ANKS1A: variants seen among roughly 807,000 people sequenced by gnomAD.
ANKS1A encodes ankyrin repeat and sterile alpha motif domain containing 1A.
A neutral mutation model predicts 120.3 loss-of-function variants in ANKS1A; 55 were observed. That is an observed-to-expected ratio of 0.46 (90% confidence interval 0.37 to 0.57). The LOEUF (loss-of-function observed/expected upper bound fraction) is 0.57, where lower values mean the gene tolerates loss of function less well. ANKS1A is among the 20% of genes least tolerant of loss of function. ANKS1A has a pLI of 0.00. For missense variants in ANKS1A, 1,123 were observed against 1,480.3 expected, an observed-to-expected ratio of 0.76 and a Z score of 3.96; for synonymous variants, 590 against 604.7, an observed-to-expected ratio of 0.98 and a Z score of 0.36.
Position 34,982,878 on chromosome 6 carries a change from G to A in ANKS1A, c.808+51G>A. Reference sequence around the variant, plus strand: ...TACACAGCGTGCCAGGGTTGGGATTGTTTCTCCCTAGTCCCCTAGGGGGAT... The same window carrying A: ...TACACAGCGTGCCAGGGTTGGGATTATTTCTCCCTAGTCCCCTAGGGGGAT... On this transcript the variant is annotated intron_variant, in intron 5 of 23. Transcript: ENST00000360359. This position sits in a 1 kb window ranked among gnomAD's most constrained non-coding sequence, Gnocchi z 4.9. The A allele has an allele frequency of 2.5e-6, 4 of 1,611,178 alleles. No homozygotes were observed. The highest frequency in any genetic ancestry group is 3.4e-6 in the Non-Finnish European group (4 of 1,177,486).
At chr6:35,012,031 C>A (rs1324058604) in intron 10 of ANKS1A, among the ~76,000 whole-genome samples, 1 of 152,158 alleles carries the variant, frequency 6.6e-6, no homozygotes, top group Non-Finnish European at 1.5e-5. Context: ...GTACTTTTAA[C>A]CATGAGGCTA....
At chr6:35,056,383 G>T (rs886173473) in intron 12 of ANKS1A, among the ~76,000 whole-genome samples, 2 of 152,194 alleles carry the variant, frequency 1.3e-5, no homozygotes, top group Non-Finnish European at 2.9e-5. Context: ...CCGCCTCCCG[G>T]GTTCACACCA....
chr6:34,977,846 A>T (rs9469928), intron 3 of ANKS1A, among the ~76,000 whole-genome samples: 3,982 of 152,262 alleles, frequency 0.026, 181 homozygotes, highest in African/African-American at 0.09. Context: ...AGGTGTCCCT[A>T]ACTTCAGTAT....
At position 35,082,225 on chromosome 6, in the gene ANKS1A, T is replaced by G. The variant is rs188861428; in HGVS notation, c.2710-466T>G. On this transcript the variant is annotated intron_variant, in intron 17 of 23. Coordinates refer to ENST00000360359, the MANE Select transcript of ANKS1A (RefSeq NM_015245.3). This position sits in a 1 kb window ranked among gnomAD's most constrained non-coding sequence, Gnocchi z 4.1. ...TGCTGCCAGAAGGATCCATTTGGAA[T>G]GCATTCCTAGGCACGGGCGGGTGCT... is the stretch of plus-strand genomic sequence containing the variant. 1.6e-3 allele frequency among the ~76,000 whole-genome samples: 244 copies of G among 152,066 alleles called. No individual in the cohort carries two copies. Among genetic ancestry groups the G allele is most frequent in the African/African-American group, 5.7e-3 (235 of 41,496 alleles).
At chr6:34,906,729 C>T (rs1180161044) in intron 1 of ANKS1A, among the ~76,000 whole-genome samples, 1 of 152,222 alleles carries the variant, frequency 6.6e-6, no homozygotes, top group South Asian at 2.1e-4. Context: ...ATTTATATGG[C>T]TTCAAAGTAT....
At chr6:34,903,708 G>A (rs1767489338) in intron 1 of ANKS1A, among the ~76,000 whole-genome samples, 1 of 152,106 alleles carries the variant, frequency 6.6e-6, no homozygotes, top group African/African-American at 2.4e-5. Flanking sequence ...GTAGAGACGG[G>A]GTTTCACCAT....
rs1310876068 is a variant in ANKS1A, at chr6:35,024,238, G to GCA, written c.2010+6190_2010+6191dup. ...TCTTGCACAGTGTGATGTACCCACA[G>GCA]CACACACACACAGCACCAATTAACA... On this transcript the variant is annotated intron_variant, in intron 11 of 23. Transcript: ENST00000360359. Among the ~76,000 whole-genome samples, 3 of 152,028 alleles carry GCA rather than the reference G, an allele frequency of 2.0e-5. No homozygotes were observed. The East Asian group carries it at 5.8e-4, about 29-fold the overall frequency.
At chr6:34,951,505 T>G (rs1187241081) in intron 1 of ANKS1A, among the ~76,000 whole-genome samples, 1 of 152,172 alleles carries the variant, frequency 6.6e-6, no homozygotes, top group Non-Finnish European at 1.5e-5. Flanking sequence ...TCTTTGACAT[T>G]CAGCTTACAT....
chr6:34,914,891 G>A (rs1385209571), intron 1 of ANKS1A, among the ~76,000 whole-genome samples: 1 of 152,172 alleles, frequency 6.6e-6, no homozygotes, highest in Non-Finnish European at 1.5e-5. Context: ...GGTCTTATAA[G>A]AGCTTCTGGG....
chr6:35,083,905 A>G (rs529869765), intron 20 of ANKS1A, among the ~76,000 whole-genome samples: 2 of 152,192 alleles, frequency 1.3e-5, no homozygotes, highest in African/African-American at 4.8e-5. Flanking sequence ...GGGTGTGAAC[A>G]TTTTACTGCC....
rs1278512813 is a variant in ANKS1A, at chr6:34,889,477, G to A, written c.75G>A (p.Gly25=). 4 of 1,287,450 alleles carry A rather than the reference G, an allele frequency of 3.1e-6. No individual in the cohort carries two copies. Among genetic ancestry groups the A allele is most frequent in the South Asian group, 6.1e-5 (2 of 32,780 alleles). 79.8% of individuals were successfully genotyped at this position (1,287,450 alleles called of 1,614,324 possible). A position where few individuals can be genotyped will look rare whatever the true frequency, so the allele number is the denominator to read the frequency against. ...CGGCGGTGGAGAAGCTGCTGTCCGGGAAGCGGCTCTCCTCAGGCTTTGGGG... is the reference window on the plus strand; with the variant it reads ...CGGCGGTGGAGAAGCTGCTGTCCGGAAAGCGGCTCTCCTCAGGCTTTGGGG... The part of the protein sequence containing the change: ...HLPAVEKLLS[G]KRLSSGFGGG... The change falls in exon 1 of 24, where the codon GGG becomes GGA. Residue 25 remains glycine (G), a synonymous_variant. Transcript: ENST00000360359. The surrounding 1 kb of genome is among the most constrained non-coding windows in gnomAD (Gnocchi z 5.5).
intron 11 of ANKS1A, among the ~76,000 whole-genome samples, chr6:35,030,710 A>T (rs747210095): frequency 6.6e-6 from 1 of 152,152 alleles, no homozygotes; most frequent in Non-Finnish European, 1.5e-5. Flanking sequence ...CACCCCATCA[A>T]TTCTGGTTTT....
intron 10 of ANKS1A, among the ~76,000 whole-genome samples, chr6:34,997,304 C>G (rs1271357506): frequency 2.0e-5 from 3 of 148,984 alleles, no homozygotes; most frequent in African/African-American, 7.4e-5. Context: ...TCAAGTGATT[C>G]TCCTGCCTCA....
chr6:34,983,686 T>C (rs985764911), intron 7 of ANKS1A, among the ~76,000 whole-genome samples: 7 of 152,160 alleles, frequency 4.6e-5, no homozygotes, highest in Non-Finnish European at 8.8e-5. Context: ...CTGAGATGTG[T>C]AGTAGAGAGG....
chr6:35,004,437 A>G (rs1773337788), intron 10 of ANKS1A, among the ~76,000 whole-genome samples: 3 of 152,102 alleles, frequency 2.0e-5, no homozygotes, highest in African/African-American at 7.2e-5. Flanking sequence ...AGCCAGAACA[A>G]CATAGCAAGA....
intron 3 of ANKS1A, among the ~76,000 whole-genome samples, chr6:34,978,156 A>G (rs1771703573): frequency 6.6e-6 from 1 of 152,152 alleles, no homozygotes; most frequent in Non-Finnish European, 1.5e-5. Flanking sequence ...ACAGGGTTTC[A>G]CTGTGTTGTC....
intron 1 of ANKS1A, among the ~76,000 whole-genome samples, chr6:34,928,533 CTT>C (rs35762253): frequency 2.0e-5 from 3 of 148,172 alleles, no homozygotes; most frequent in Admixed American, 6.7e-5. Context: ...TTAGAGGAGT[CTT>C]TTTTTTTTTC....
chr6:34,927,205 G>T (rs1422659910), intron 1 of ANKS1A, among the ~76,000 whole-genome samples: 1 of 152,086 alleles, frequency 6.6e-6, no homozygotes, highest in African/African-American at 2.4e-5. Context: ...GTTGAGGGAT[G>T]TGTGGTCAGG....
intron 8 of ANKS1A, among the ~76,000 whole-genome samples, chr6:34,986,460 GATCCTAGTGCTAACCCC>G (rs1393121331): frequency 6.6e-6 from 1 of 152,180 alleles, no homozygotes; most frequent in Admixed American, 6.5e-5. Context: ...GCTCTAATGA[GATCCTAGTGCTAACCCC>G]ATCTGGAGAC....
Sources: allele counts gnomAD v4.1 joint callset (sites outside exome capture counted in the v4.1 genomes callset), GRCh38; gene constraint gnomAD v4.1.1; non-coding constraint Gnocchi (gnomAD v3.1); transcripts MANE v1.5; gene names NCBI Gene and HGNC (gene_info 2026-07-23, HGNC 2026-07-21).